The following GALNTL6 variants were observed in gnomAD, a reference collection of about 807,000 sequenced individuals.
GALNTL6 encodes polypeptide N-acetylgalactosaminyltransferase like 6, also known as polypeptide N-acetylgalactosaminyltransferase-like 6.
GALNTL6 carries 46 observed loss-of-function variants against 73.7 expected under a neutral mutation model. The ratio of observed to expected loss-of-function variants is 0.62; its 90% CI spans 0.49 to 0.80. The LOEUF (loss-of-function observed/expected upper bound fraction) is 0.80, where lower values mean the gene tolerates loss of function less well. Among genes scored for constraint, GALNTL6 ranks in the 30% least tolerant of loss-of-function variants. The pLI is 0.00. For missense variants in GALNTL6, 604 were observed against 755.0 expected, an observed-to-expected ratio of 0.80 and a Z score of 2.34; for synonymous variants, 259 against 263.7, an observed-to-expected ratio of 0.98 and a Z score of 0.17.
chr4:172,215,416 G>A (rs1341348402), intron 2 of GALNTL6, among the ~76,000 whole-genome samples: 1 of 152,016 alleles, frequency 6.6e-6, no homozygotes, highest in African/African-American at 2.4e-5. Flanking sequence ...CTGATATTCT[G>A]TTATTAGGTG....
intron 7 of GALNTL6, among the ~76,000 whole-genome samples, chr4:172,822,219 T>C (rs1038522865): frequency 8.5e-5 from 13 of 152,182 alleles, no homozygotes; most frequent in Non-Finnish European, 1.6e-4. Context: ...TTTGTCTTGG[T>C]CTCTTGAGAT....
chr4:172,484,888 G>T (rs916885697), intron 5 of GALNTL6, among the ~76,000 whole-genome samples: 2 of 151,972 alleles, frequency 1.3e-5, no homozygotes, highest in Admixed American at 6.6e-5. Flanking sequence ...CTTTAAATTT[G>T]TGTCATATGA....
chr4:171,834,581 G>T (rs1735053515), intron 2 of GALNTL6, among the ~76,000 whole-genome samples: 1 of 151,888 alleles, frequency 6.6e-6, no homozygotes, highest in Non-Finnish European at 1.5e-5. Context: ...TTACTGAGAG[G>T]ATACAATATG....
chr4:172,539,210 C>T (rs923526291), intron 5 of GALNTL6, among the ~76,000 whole-genome samples: 44 of 152,322 alleles, frequency 2.9e-4, no homozygotes, highest in African/African-American at 9.6e-4. Flanking sequence ...TCCCCATCAA[C>T]TTCACCATCA....
At chr4:171,861,603 C>T (rs1398114604) in intron 2 of GALNTL6, among the ~76,000 whole-genome samples, 3 of 152,128 alleles carry the variant, frequency 2.0e-5, no homozygotes, top group African/African-American at 4.8e-5. Context: ...GAAAACTTAC[C>T]GCTTCCCCTC....
chr4:172,768,694 T>C (rs1012371332), intron 5 of GALNTL6, among the ~76,000 whole-genome samples: 5 of 152,192 alleles, frequency 3.3e-5, no homozygotes, highest in African/African-American at 1.2e-4. Context: ...AAGACACTGG[T>C]GGGTGTGTGA....
In GALNTL6 at chr4:172,669,097, G is replaced by A. The variant is rs149398372; in HGVS notation, c.554-140264G>A. The stretch of plus-strand genomic sequence containing the variant: ...GTATTGACTTCAAAATCCATCATTT[G>A]GGGTGTTGGATTATCTGTTATTTAC... On this transcript the variant is annotated intron_variant, in intron 5 of 12. Transcript: ENST00000506823. 290 of 152,242 alleles carry A rather than the reference G, an allele frequency of 1.9e-3. 2 individuals are homozygous for A. The highest frequency in any genetic ancestry group is 6.7e-3 in the African/African-American group (278 of 41,544). The allele number at this position is 152,242 out of a possible 1,614,324, so 9.4% of individuals were successfully genotyped here. A position where few individuals can be genotyped will look rare whatever the true frequency, so the allele number is the denominator to read the frequency against.
chr4:172,927,517 T>C (rs1310747352), intron 8 of GALNTL6, among the ~76,000 whole-genome samples: 3 of 152,082 alleles, frequency 2.0e-5, no homozygotes, highest in African/African-American at 7.2e-5. Flanking sequence ...TTTTGGATTT[T>C]GTGGGCCGCA....
At chr4:171,942,778 A>G (rs148058757) in intron 2 of GALNTL6, among the ~76,000 whole-genome samples, 411 of 152,336 alleles carry the variant, frequency 2.7e-3, no homozygotes, top group Non-Finnish European at 4.1e-3. Context: ...TATATGCTCA[A>G]TTACGAATGG....
chr4:171,878,072 A>G (rs1386185571), intron 2 of GALNTL6, among the ~76,000 whole-genome samples: 1 of 152,328 alleles, frequency 6.6e-6, no homozygotes, highest in Admixed American at 6.5e-5. Context: ...ATAATTCTAG[A>G]CTTCTGTTCA....
intron 4 of GALNTL6, among the ~76,000 whole-genome samples, chr4:172,320,669 G>A (rs1321329953): frequency 1.5e-4 from 23 of 152,182 alleles, no homozygotes; most frequent in Admixed American, 1.5e-3. Context: ...CCCTTCAAAT[G>A]AGCCACAATT....
At chr4:172,735,162 C>T (rs754244891) in intron 5 of GALNTL6, among the ~76,000 whole-genome samples, 1 of 152,112 alleles carries the variant, frequency 6.6e-6, no homozygotes, top group East Asian at 1.9e-4. Flanking sequence ...GCACTATGCA[C>T]CTGGAAAAGC....
intron 3 of GALNTL6, among the ~76,000 whole-genome samples, chr4:172,261,192 T>C (rs1421342266): frequency 6.6e-6 from 1 of 151,600 alleles, no homozygotes; most frequent in African/African-American, 2.4e-5. Context: ...CCAGTTCTTC[T>C]TTGAATATCT....
chr4:172,352,443 C>T (rs557632635), intron 5 of GALNTL6, among the ~76,000 whole-genome samples: 1 of 151,974 alleles, frequency 6.6e-6, no homozygotes, highest in Non-Finnish European at 1.5e-5. Context: ...TTCTTTTTTT[C>T]CAGTAAGCTC....
chr4:172,206,805 G>GTTTTTTTTTTTTTTTTTTTTTTTT (rs778156050), intron 2 of GALNTL6, among the ~76,000 whole-genome samples: 4 of 26,130 alleles, frequency 1.5e-4, no homozygotes, highest in African/African-American at 3.8e-4. Flanking sequence ...TTGTTTTTCT[G>GTTTTTTTTTTTTTTTTTTTTTTTT]TTTTTTTTGT....
chr4:172,043,627 C>T (rs957154336), intron 2 of GALNTL6, among the ~76,000 whole-genome samples: 1 of 151,916 alleles, frequency 6.6e-6, no homozygotes, highest in Non-Finnish European at 1.5e-5. Flanking sequence ...ATAAATAGAA[C>T]AGTTACTAGT....
At chr4:172,704,879 A>G (rs1734235092) in intron 5 of GALNTL6, among the ~76,000 whole-genome samples, 1 of 151,944 alleles carries the variant, frequency 6.6e-6, no homozygotes, top group East Asian at 1.9e-4. Flanking sequence ...TGTTGGGTGC[A>G]TATATATTTA....
intron 8 of GALNTL6, among the ~76,000 whole-genome samples, chr4:172,907,137 CA>C (rs1428789881): frequency 8.7e-4 from 116 of 133,334 alleles, no homozygotes; most frequent in Middle Eastern, 3.8e-3. Flanking sequence ...CTATTTTCTC[CA>C]AAAAAAAAAA....
intron 5 of GALNTL6, among the ~76,000 whole-genome samples, chr4:172,415,578 T>C (rs1459030455): frequency 2.0e-5 from 3 of 152,152 alleles, no homozygotes; most frequent in Non-Finnish European, 2.9e-5. Context: ...GTGAGTACTT[T>C]TGTCTTTGCC....
Sources: allele counts gnomAD v4.1 joint callset (sites outside exome capture counted in the v4.1 genomes callset), GRCh38; gene constraint gnomAD v4.1.1; transcripts MANE v1.5; gene names NCBI Gene and HGNC (gene_info 2026-07-23, HGNC 2026-07-21).